The following HAND2 variants were observed in gnomAD, a reference collection of about 807,000 sequenced individuals.
The protein encoded by HAND2 is heart and neural crest derivatives expressed 2.
HAND2 carries 2 observed loss-of-function variants against 14.7 expected under a neutral mutation model. The observed-to-expected ratio is 0.14, with a 90% CI of 0.06 to 0.43. HAND2 has a LOEUF of 0.43. Among genes scored for constraint, HAND2 ranks in the 20% least tolerant of loss-of-function variants. HAND2 has a pLI of 0.99. For missense variants in HAND2, 275 were observed against 313.6 expected (o/e 0.88, Z 0.93); for synonymous variants, 162 against 135.9 (o/e 1.19, Z -1.34).
In HAND2 at chr4:173,528,607, A is replaced by G; in HGVS notation, c.555+128T>C. 1 of 1,202,492 alleles carries G rather than the reference A, an allele frequency of 8.3e-7. No homozygotes were observed. 74.5% of individuals were successfully genotyped at this position (1,202,492 alleles called of 1,614,324 possible). On this transcript the variant is annotated intron_variant, in intron 1 of 1. Transcript: ENST00000359562. The surrounding 1 kb of genome is among the most constrained non-coding windows in gnomAD (Gnocchi z 5.6). ...AAGCCATCCTTACACAACCTGGTGC[A>G]AACAACCTTGAAGCGGGACGCAGCC... is the stretch of plus-strand genomic sequence containing the variant.
At position 173,529,409 on chromosome 4, in the gene HAND2, C is replaced by A. The variant is rs1433980892; in HGVS notation, c.-120G>T. On this transcript the variant is annotated 5_prime_UTR_variant, in exon 1 of 2. Transcript: ENST00000359562. ...CACCCCCCACCCCCCAGCCCCCGGG[C>A]GCCCGGGCCCGCCCGGCAGCCGCAG... is the stretch of plus-strand genomic sequence containing the variant. 9 of 439,740 alleles carry A rather than the reference C, an allele frequency of 2.0e-5. No homozygotes were observed. The highest frequency in any genetic ancestry group is 1.1e-4 in the South Asian group (1 of 8,838). The allele number at this position is 439,740 out of a possible 1,614,324, so 27.2% of individuals were successfully genotyped here.
At chr4:173,527,690 C>A (rs1356259478) in intron 1 of HAND2, 6 of 368,884 alleles carry the variant, frequency 1.6e-5, no homozygotes, top group Non-Finnish European at 3.0e-5. Flanking sequence ...GAGCTGGAGT[C>A]GGCGCTAAGT....
chr4:173,527,033 G>T lies in HAND2; in HGVS notation c.*244C>A, dbSNP rs765319090. The T allele has an allele frequency of 6.0e-6, 4 of 664,394 alleles. No homozygotes were observed. The highest frequency in any genetic ancestry group is 4.5e-5 in the South Asian group (3 of 66,336). 41.2% of individuals were successfully genotyped at this position (664,394 alleles called of 1,614,324 possible). Reference sequence around the variant, plus strand: ...CTTACCACACGGGAGTGTCCTCTTCGTATTAAAATATGGAATGCTTTTCTT... The same window carrying T: ...CTTACCACACGGGAGTGTCCTCTTCTTATTAAAATATGGAATGCTTTTCTT... On this transcript the variant is annotated 3_prime_UTR_variant, in exon 2 of 2. Coordinates refer to ENST00000359562, the MANE Select transcript of HAND2 (RefSeq NM_021973.3).
chr4:173,529,068 G>C lies in HAND2; in HGVS notation c.222C>G (p.Gly74=). The part of the protein sequence containing the change: ...YSPEYASGAA[G]LDHSHYGGVP... ...CCCCCCCGTAATGGGAGTGGTCCAG[G>C]CCGGCGGCGCCGCTGGCATACTCGG... The change falls in exon 1 of 2, where the codon GGC becomes GGG. Residue 74 remains glycine, a synonymous_variant. Coordinates refer to ENST00000359562, the MANE Select transcript of HAND2 (RefSeq NM_021973.3). 2 of 1,502,268 alleles carry C rather than the reference G, an allele frequency of 1.3e-6. No homozygotes were observed. The highest frequency in any genetic ancestry group is 1.8e-6 in the Non-Finnish European group (2 of 1,136,730). The allele number at this position is 1,502,268 out of a possible 1,614,324, so 93.1% of individuals were successfully genotyped here. A position where few individuals can be genotyped will look rare whatever the true frequency, so the allele number is the denominator to read the frequency against.
Position 173,528,428 on chromosome 4 carries a change from G to C in HAND2, c.555+307C>G. The C allele has an allele frequency of 4.7e-6, 2 of 430,004 alleles. No homozygotes were observed. The highest frequency in any genetic ancestry group is 4.5e-5 in the South Asian group (2 of 44,636). The allele number at this position is 430,004 out of a possible 1,614,324, so 26.6% of individuals were successfully genotyped here. ...GACGGGGTGAGGCATCCAGACCAGT[G>C]CGATCGCGATCGATCGCGACCCAGA... On this transcript the variant is annotated intron_variant, in intron 1 of 1. Transcript: ENST00000359562. This position sits in a 1 kb window ranked among gnomAD's most constrained non-coding sequence, Gnocchi z 5.6.
In HAND2 at chr4:173,528,974, G is replaced by C. The variant is rs1383210936; in HGVS notation, c.316C>G (p.Arg106Gly). 6.2e-7 allele frequency: 1 copy of C among 1,613,192 alleles called. No individual in the cohort carries two copies. The highest frequency in any genetic ancestry group is 8.5e-7 in the Non-Finnish European group (1 of 1,179,622). The change falls in exon 1 of 2, where the codon CGC (arginine) becomes GGC (glycine). Residue 106 changes from arginine to glycine, a missense_variant. Transcript: ENST00000359562. This position sits in a 1 kb window ranked among gnomAD's most constrained non-coding sequence, Gnocchi z 5.6. ...RPVKRRGTAN[R>G]KERRRTQSIN... ...CTCTGAGTCCTGCGCCGCTCCTTGC[G>C]GTTGGCGGTGCCTCGGCGCTTCACC...
chr4:173,527,643 C>CG lies in HAND2; in HGVS notation c.556-269dup, dbSNP rs1560884350. The stretch of plus-strand genomic sequence containing the variant: ...CGTTTTCGAGTCGTTTATGGAGGAG[C>CG]GGGGGGCCTTTTCTCTTACTCCAGA... On this transcript the variant is annotated intron_variant, in intron 1 of 1. Coordinates refer to ENST00000359562, the MANE Select transcript of HAND2 (RefSeq NM_021973.3). The CG allele has an allele frequency of 1.4e-5, 7 of 485,640 alleles. No individual in the cohort carries two copies. The Middle Eastern group carries it at 2.3e-3, about 159-fold the overall frequency. 30.1% of individuals were successfully genotyped at this position (485,640 alleles called of 1,614,324 possible).
chr4:173,529,360 G>A lies in HAND2; in HGVS notation c.-71C>T. On this transcript the variant is annotated 5_prime_UTR_variant, in exon 1 of 2. Transcript: ENST00000359562. The stretch of plus-strand genomic sequence containing the variant: ...CGCCGCGCCCTCGGCCCGGGCCCCT[G>A]CCTCAGCGCTCGGCGTCCTCCCCCA... The A allele has an allele frequency of 8.6e-7, 1 of 1,158,458 alleles. No homozygotes were observed. The highest frequency in any genetic ancestry group is 1.1e-6 in the Non-Finnish European group (1 of 926,298). 71.8% of individuals were successfully genotyped at this position (1,158,458 alleles called of 1,614,324 possible).
rs1394541321 is a variant in HAND2, at chr4:173,527,019, G to T, written c.*258C>A. On this transcript the variant is annotated 3_prime_UTR_variant, in exon 2 of 2. Coordinates refer to ENST00000359562, the MANE Select transcript of HAND2 (RefSeq NM_021973.3). ...AGACGACGGGATCCCTTACCACACGGGAGTGTCCTCTTCGTATTAAAATAT... is the reference window on the plus strand; with the variant it reads ...AGACGACGGGATCCCTTACCACACGTGAGTGTCCTCTTCGTATTAAAATAT... The T allele has an allele frequency of 7.7e-6, 5 of 645,446 alleles. No homozygotes were observed. The highest frequency in any genetic ancestry group is 1.8e-5 in the African/African-American group (1 of 56,022). 40.0% of individuals were successfully genotyped at this position (645,446 alleles called of 1,614,324 possible).
rs1560884802 is a variant in HAND2, at chr4:173,528,429, C to A, written c.555+306G>T. 2.3e-6 allele frequency: 1 copy of A among 429,824 alleles called. No homozygotes were observed. Among genetic ancestry groups the A allele is most frequent in the Non-Finnish European group, 4.3e-6 (1 of 230,812 alleles). The allele number at this position is 429,824 out of a possible 1,614,324, so 26.6% of individuals were successfully genotyped here. On this transcript the variant is annotated intron_variant, in intron 1 of 1. Coordinates refer to ENST00000359562, the MANE Select transcript of HAND2 (RefSeq NM_021973.3). The surrounding 1 kb of genome is among the most constrained non-coding windows in gnomAD (Gnocchi z 5.6). ...ACGGGGTGAGGCATCCAGACCAGTG[C>A]GATCGCGATCGATCGCGACCCAGAG...
rs771323605 is a variant in HAND2, at chr4:173,527,367, G to C, written c.564C>G (p.Ile188Met). 6.2e-7 allele frequency: 1 copy of C among 1,612,606 alleles called. No individual in the cohort carries two copies. Among genetic ancestry groups the C allele is most frequent in the Admixed American group, 1.7e-5 (1 of 60,028 alleles). Residue 188 changes from isoleucine (I) to methionine (M), a missense_variant, in exon 2 of 2, where the codon ATC becomes ATG. By Grantham distance (10) the Ile-to-Met change is conservative. Around this residue, in one of 4 missense-constraint regions of HAND2, gnomAD observed 54 missense variants for 54.3 expected, o/e 0.99. Coordinates refer to ENST00000359562, the MANE Select transcript of HAND2 (RefSeq NM_021973.3). ...EEKRKKELNEILKSTVSSNDK... is the reference protein window; with the variant it reads ...EEKRKKELNEMLKSTVSSNDK... ...CGTTGCTGCTCACTGTGCTTTTCAA[G>C]ATTTCGTTCTGGACAGAGGAAAGGC...
At position 173,528,885 on chromosome 4, in the gene HAND2, G is replaced by C; in HGVS notation, c.405C>G (p.Leu135=). Residue 135 remains leucine (L), a synonymous_variant, in exon 1 of 2, where the codon CTC becomes CTG. Coordinates refer to ENST00000359562, the MANE Select transcript of HAND2 (RefSeq NM_021973.3). The surrounding 1 kb of genome is among the most constrained non-coding windows in gnomAD (Gnocchi z 5.6). ...CCAGGCGCAGGGTCTTGATTTTGGA[G>C]AGTTTGGTGTCGGCGGGTACGTTGG... ...CIPNVPADTK[L]SKIKTLRLAT... 1 of 1,614,190 alleles carries C rather than the reference G, an allele frequency of 6.2e-7. No homozygotes were observed. The highest frequency in any genetic ancestry group is 8.5e-7 in the Non-Finnish European group (1 of 1,180,020).
In HAND2 at chr4:173,529,994, C is replaced by T. The variant is rs917161634; in HGVS notation, c.-705G>A. On this transcript the variant is annotated 5_prime_UTR_variant, in exon 1 of 2. Transcript: ENST00000359562. ...GTAACGTGTCCTCGCTCCTCTCGCGCTCTCTCGGAGGGTTTTCAGAGAGGT... is the reference window on the plus strand; with the variant it reads ...GTAACGTGTCCTCGCTCCTCTCGCGTTCTCTCGGAGGGTTTTCAGAGAGGT... 5 of 152,172 alleles carry T rather than the reference C, an allele frequency of 3.3e-5. No individual in the cohort carries two copies. Among genetic ancestry groups the T allele is most frequent in the Admixed American group, 2.0e-4 (3 of 15,284 alleles). 9.4% of individuals were successfully genotyped at this position (152,172 alleles called of 1,614,324 possible).
chr4:173,529,326 G>T lies in HAND2; in HGVS notation c.-37C>A, dbSNP rs1731620470. 12 of 1,273,778 alleles carry T rather than the reference G, an allele frequency of 9.4e-6. No homozygotes were observed. Among genetic ancestry groups the T allele is most frequent in the African/African-American group, 1.6e-5 (1 of 63,858 alleles). The allele number at this position is 1,273,778 out of a possible 1,614,324, so 78.9% of individuals were successfully genotyped here. On this transcript the variant is annotated 5_prime_UTR_variant, in exon 1 of 2. Transcript: ENST00000359562. ...CGCCCCTCCACGCGCCCCAGCGTGC[G>T]CGCAGCCCCGCCGCGCCCTCGGCCC...
Position 173,527,075 on chromosome 4 carries a change from T to TA in HAND2, c.*201_*202insT. ...GCTTTTCTTCAAATATCCACTTTTTTTTTGGAGGGGGAGACGGGGAGCAGA... is the reference window on the plus strand; with the variant it reads ...GCTTTTCTTCAAATATCCACTTTTTTATTTGGAGGGGGAGACGGGGAGCAGA... On this transcript the variant is annotated 3_prime_UTR_variant, in exon 2 of 2. Coordinates refer to ENST00000359562, the MANE Select transcript of HAND2 (RefSeq NM_021973.3). 1 of 698,016 alleles carries TA rather than the reference T, an allele frequency of 1.4e-6. No individual in the cohort carries two copies. Among genetic ancestry groups the TA allele is most frequent in the African/African-American group, 1.7e-5 (1 of 57,260 alleles). The allele number at this position is 698,016 out of a possible 1,614,324, so 43.2% of individuals were successfully genotyped here.
In HAND2 at chr4:173,526,711, C is replaced by T; in HGVS notation, c.*566G>A. On this transcript the variant is annotated 3_prime_UTR_variant, in exon 2 of 2. Transcript: ENST00000359562. ...TTTTAGAGGACGGAAGTGCACAAAA[C>T]AAGTGGCTGTTGGAAACATCTTCAA... The T allele has an allele frequency of 3.5e-6, 1 of 283,430 alleles. No individual in the cohort carries two copies. Among genetic ancestry groups the T allele is most frequent in the East Asian group, 8.5e-5 (1 of 11,714 alleles). The allele number at this position is 283,430 out of a possible 1,614,324, so 17.6% of individuals were successfully genotyped here.
In HAND2 at chr4:173,528,828, C is replaced by T. The variant is rs1731593853; in HGVS notation, c.462G>A (p.Leu154=). The change falls in exon 1 of 2, where the codon CTG becomes CTA. Residue 154 remains leucine (L), a synonymous_variant. Coordinates refer to ENST00000359562, the MANE Select transcript of HAND2 (RefSeq NM_021973.3). The surrounding 1 kb of genome is among the most constrained non-coding windows in gnomAD (Gnocchi z 5.6). ...ATSYIAYLMD[L]LAKDDQNGEA... ...CGCCATTCTGGTCGTCCTTGGCCAG[C>T]AGGTCCATGAGGTAGGCGATGTAGC... The T allele has an allele frequency of 1.2e-6, 2 of 1,614,136 alleles. No homozygotes were observed. Among genetic ancestry groups the T allele is most frequent in the Non-Finnish European group, 1.7e-6 (2 of 1,180,062 alleles).
At position 173,527,449 on chromosome 4, in the gene HAND2, C is replaced by T. The variant is rs1022677107; in HGVS notation, c.556-74G>A. 3 of 981,566 alleles carry T rather than the reference C, an allele frequency of 3.1e-6. No homozygotes were observed. In the Admixed American group the frequency reaches 5.1e-5, roughly 17 times the overall value. 60.8% of individuals were successfully genotyped at this position (981,566 alleles called of 1,614,324 possible). On this transcript the variant is annotated intron_variant, in intron 1 of 1. Transcript: ENST00000359562. ...AGAGGATACCTGGTTCCACACCAAC[C>T]CGGAGCTTCCTGCGCCGGAGGAGAC...
At position 173,527,268 on chromosome 4, in the gene HAND2, T is replaced by C; in HGVS notation, c.*9A>G. ...ACTCGCGCTCTCCTCCTCCTCCTTCTCCTCCTCCTCACTGCTTGAGCTCCA... is the reference window on the plus strand; with the variant it reads ...ACTCGCGCTCTCCTCCTCCTCCTTCCCCTCCTCCTCACTGCTTGAGCTCCA... On this transcript the variant is annotated 3_prime_UTR_variant, in exon 2 of 2. Transcript: ENST00000359562. 1.3e-6 allele frequency: 2 copies of C among 1,589,252 alleles called. No homozygotes were observed. The highest frequency in any genetic ancestry group is 8.6e-7 in the Non-Finnish European group (1 of 1,160,364).
Sources: allele counts gnomAD v4.1 joint callset, GRCh38; gene constraint gnomAD v4.1.1; regional missense constraint gnomAD v4.1.1; non-coding constraint Gnocchi (gnomAD v3.1); transcripts MANE v1.5; gene names NCBI Gene and HGNC (gene_info 2026-07-23, HGNC 2026-07-21).